The following MARK4 variants were observed in gnomAD, a reference collection of about 807,000 sequenced individuals.
The protein encoded by MARK4 is MAP/microtubule affinity-regulating kinase 4.
In MARK4, 19 loss-of-function variants were observed where a neutral mutation model predicts 81.5. That is an observed-to-expected ratio of 0.23 (90% confidence interval 0.16 to 0.34). The LOEUF is 0.34. MARK4 is among the 10% of genes least tolerant of loss of function. The pLI is 1.00. For synonymous variants in MARK4, 436 were observed against 439.0 expected, an observed-to-expected ratio of 0.99 and a Z score of 0.08; for missense variants, 772 against 1,058.8, an observed-to-expected ratio of 0.73 and a Z score of 3.76.
At chr19:45,294,935 T>C (rs1325060022) in intron 14 of MARK4, among the ~76,000 whole-genome samples, 1 of 152,090 alleles carries the variant, frequency 6.6e-6, no homozygotes, top group Middle Eastern at 3.2e-3. Context: ...ATGAGGACAC[T>C]GCCCCCCACC....
intron 8 of MARK4, among the ~76,000 whole-genome samples, chr19:45,277,381 T>C (rs1970611579): frequency 6.6e-6 from 1 of 151,932 alleles, no homozygotes; most frequent in African/African-American, 2.4e-5. Flanking sequence ...CCTGGCCAGA[T>C]AATAAACTTT....
chr19:45,271,734 G>T lies in MARK4; in HGVS notation c.786+26G>T. On this transcript the variant is annotated intron_variant, in intron 8 of 16. Coordinates refer to ENST00000262891, the MANE Select transcript of MARK4 (RefSeq NM_001199867.2). The surrounding 1 kb of genome is among the most constrained non-coding windows in gnomAD (Gnocchi z 4.1). ...GTACCGAGAGGGGCTGGGTGCAGGG[G>T]CATCAGCCCCTCCCCACAGTCAGGC... 1 of 1,597,726 alleles carries T rather than the reference G, an allele frequency of 6.3e-7. No homozygotes were observed. The highest frequency in any genetic ancestry group is 8.6e-7 in the Non-Finnish European group (1 of 1,167,650).
intron 13 of MARK4, among the ~76,000 whole-genome samples, chr19:45,289,529 G>A (rs1970794082): frequency 6.6e-6 from 1 of 151,678 alleles, no homozygotes; most frequent in Admixed American, 6.6e-5. Flanking sequence ...TCAGCACTTT[G>A]GGAGGCCCAA....
chr19:45,291,273 A>G (rs950576381), intron 13 of MARK4, among the ~76,000 whole-genome samples: 13 of 152,210 alleles, frequency 8.5e-5, no homozygotes, highest in African/African-American at 3.1e-4. Flanking sequence ...TGTAGGAACA[A>G]CAGTCACAAC....
chr19:45,287,265 T>G (rs1357471239), intron 12 of MARK4, among the ~76,000 whole-genome samples, 182 bp from the exon 13 acceptor site: 1 of 151,706 alleles, frequency 6.6e-6, no homozygotes, highest in Non-Finnish European at 1.5e-5. Flanking sequence ...TGTCATTGAT[T>G]TGGAGTTTCT....
At chr19:45,258,290 G>T (rs1337796716) in intron 1 of MARK4, among the ~76,000 whole-genome samples, 1 of 152,154 alleles carries the variant, frequency 6.6e-6, no homozygotes, top group Non-Finnish European at 1.5e-5. Flanking sequence ...TGGCCACCTG[G>T]CCCATAATTT....
chr19:45,273,291 C>T (rs1970555006), intron 8 of MARK4, among the ~76,000 whole-genome samples: 2 of 152,218 alleles, frequency 1.3e-5, no homozygotes, highest in African/African-American at 2.4e-5. Context: ...TGCACATGAT[C>T]TTTGCTGCCC....
intron 15 of MARK4, 59 bp from the exon 16 acceptor site, chr19:45,299,752 T>C: frequency 6.7e-7 from 1 of 1,490,402 alleles, no homozygotes. Flanking sequence ...GGCAGTGGGT[T>C]GCGGGAGGTG....
chr19:45,271,769 C>T lies in MARK4; in HGVS notation c.786+61C>T. ...CTCCCCACAGTCAGGCCCCTATCCC[C>T]CCCACACCTCCCCTGCAGAGGGCCT... On this transcript the variant is annotated intron_variant, in intron 8 of 16. Coordinates refer to ENST00000262891, the MANE Select transcript of MARK4 (RefSeq NM_001199867.2). The surrounding 1 kb of genome is among the most constrained non-coding windows in gnomAD (Gnocchi z 4.1). 1 of 1,449,956 alleles carries T rather than the reference C, an allele frequency of 6.9e-7. No individual in the cohort carries two copies. Among genetic ancestry groups the T allele is most frequent in the East Asian group, 2.3e-5 (1 of 44,014 alleles). 89.8% of individuals were successfully genotyped at this position (1,449,956 alleles called of 1,614,324 possible). A position where few individuals can be genotyped will look rare whatever the true frequency, so the allele number is the denominator to read the frequency against.
intron 1 of MARK4, among the ~76,000 whole-genome samples, chr19:45,256,637 G>T (rs1443607252): frequency 6.6e-6 from 1 of 152,176 alleles, no homozygotes; most frequent in African/African-American, 2.4e-5. Context: ...GAGGAGCCTC[G>T]AGTCCAGATT....
chr19:45,300,174 G>A (rs902604835), intron 16 of MARK4, among the ~76,000 whole-genome samples: 10 of 151,968 alleles, frequency 6.6e-5, no homozygotes, highest in Admixed American at 6.6e-4. Flanking sequence ...GAGAAACCCC[G>A]TCGTTACTAA....
rs1358826243 is a variant in MARK4, at chr19:45,303,833, T to C, written c.*1123T>C. The C allele has an allele frequency of 1.3e-5, 2 of 152,116 alleles. No individual in the cohort carries two copies. Among genetic ancestry groups the C allele is most frequent in the Non-Finnish European group, 2.9e-5 (2 of 68,026 alleles). 9.4% of individuals were successfully genotyped at this position (152,116 alleles called of 1,614,324 possible). The stretch of plus-strand genomic sequence containing the variant: ...AGGGTGGGGTCATTGGGGAAGATGC[T>C]CTAGAGGAATTAATGCTGGAATGGG... On this transcript the variant is annotated 3_prime_UTR_variant, in exon 17 of 17. Coordinates refer to ENST00000262891, the MANE Select transcript of MARK4 (RefSeq NM_001199867.2).
chr19:45,259,135 G>A lies in MARK4; in HGVS notation c.198G>A (p.Gly66=). Residue 66 remains glycine (G), a synonymous_variant, in exon 2 of 17, where the codon GGG becomes GGA. Coordinates refer to ENST00000262891, the MANE Select transcript of MARK4 (RefSeq NM_001199867.2). The part of the protein sequence containing the change: ...VGNYRLLRTI[G]KGNFAKVKLA... ...ACTACCGCCTGCTGAGGACCATTGGGAAGGGCAACTTTGCCAAAGTCAAGC... is the reference window on the plus strand; with the variant it reads ...ACTACCGCCTGCTGAGGACCATTGGAAAGGGCAACTTTGCCAAAGTCAAGC... 1 of 1,614,168 alleles carries A rather than the reference G, an allele frequency of 6.2e-7. No homozygotes were observed.
chr19:45,291,638 C>T (rs913012928), intron 13 of MARK4, among the ~76,000 whole-genome samples: 13 of 152,166 alleles, frequency 8.5e-5, no homozygotes, highest in South Asian at 4.2e-4. Context: ...AAAAATTAGC[C>T]GGGCTTGGTG....
At chr19:45,294,827 A>G (rs950070663) in intron 14 of MARK4, among the ~76,000 whole-genome samples, 7 of 152,016 alleles carry the variant, frequency 4.6e-5, no homozygotes, top group African/African-American at 1.2e-4. Context: ...TCCAGCTGGC[A>G]AGGGAGGGAA....
chr19:45,287,592 C>T lies in MARK4; in HGVS notation c.1422C>T (p.Pro474=). ...SGSRGLPPSS[P]MVSSAHNPNK... ...GTCGAGGGCTGCCCCCCTCCAGCCC[C>T]ATGGTCAGCAGCGCCCACAACCCCA... Residue 474 remains proline, a synonymous_variant, in exon 13 of 17, where the codon CCC becomes CCT. Transcript: ENST00000262891. 1 of 1,599,206 alleles carries T rather than the reference C, an allele frequency of 6.3e-7. No individual in the cohort carries two copies.
chr19:45,283,799 T>G (rs931663229), intron 12 of MARK4, among the ~76,000 whole-genome samples: 1 of 151,976 alleles, frequency 6.6e-6, no homozygotes, highest in South Asian at 2.1e-4. Flanking sequence ...TATCTGGGAG[T>G]GGAATTGCTG....
In MARK4 at chr19:45,280,403, G is replaced by A; in HGVS notation, c.1036G>A (p.Glu346Lys). 1 of 1,614,170 alleles carries A rather than the reference G, an allele frequency of 6.2e-7. No homozygotes were observed. Residue 346 changes from glutamate (E) to lysine (K), a missense_variant, in exon 11 of 17, where the codon GAA (glutamate) becomes AAA (lysine). This residue lies in a region of MARK4 where 548 missense variants were observed against 624.3 expected (regional missense o/e 0.88). Coordinates refer to ENST00000262891, the MANE Select transcript of MARK4 (RefSeq NM_001199867.2). ...GATGGTGGGTATGGGCTACACACGGGAAGAAATCAAAGAGTCCTTGACCAG... is the reference window on the plus strand; with the variant it reads ...GATGGTGGGTATGGGCTACACACGGAAAGAAATCAAAGAGTCCTTGACCAG... ...EVMVGMGYTREEIKESLTSQK... is the reference protein window; with the variant it reads ...EVMVGMGYTRKEIKESLTSQK...
At chr19:45,284,916 C>A (rs1970722355) in intron 12 of MARK4, among the ~76,000 whole-genome samples, 1 of 152,048 alleles carries the variant, frequency 6.6e-6, no homozygotes, top group South Asian at 2.1e-4. Context: ...CATGGTGAAA[C>A]CCTGTCTCTA....
Sources: allele counts gnomAD v4.1 joint callset (sites outside exome capture counted in the v4.1 genomes callset), GRCh38; gene constraint gnomAD v4.1.1; regional missense constraint gnomAD v4.1.1; non-coding constraint Gnocchi (gnomAD v3.1); transcripts MANE v1.5; gene names NCBI Gene and HGNC (gene_info 2026-07-23, HGNC 2026-07-21).